CNMD: variants seen among roughly 807,000 people sequenced by gnomAD.
CNMD encodes the protein chondromodulin.
Under a neutral mutation model 37.5 loss-of-function variants are expected in CNMD, and 30 were observed. The ratio of observed to expected loss-of-function variants is 0.80; its 90% CI spans 0.60 to 1.09. The LOEUF (loss-of-function observed/expected upper bound fraction) is 1.09. Ranked by LOEUF, CNMD falls within the 50% of genes least tolerant of loss-of-function variation. CNMD has a pLI of 0.00. For missense variants in CNMD, 398 were observed against 423.9 expected (o/e 0.94, Z 0.54); for synonymous variants, 167 against 148.2 (o/e 1.13, Z -0.92).
intron 3 of CNMD, among the ~76,000 whole-genome samples, chr13:52,726,132 T>A (rs1964568510): frequency 1.3e-5 from 2 of 152,228 alleles, no homozygotes; most frequent in Non-Finnish European, 2.9e-5. Context: ...GGCTTGGCTC[T>A]TAACTGCACC....
At chr13:52,728,729 AT>A (rs1964615893) in intron 3 of CNMD, among the ~76,000 whole-genome samples, 1 of 152,174 alleles carries the variant, frequency 6.6e-6, no homozygotes, top group Non-Finnish European at 1.5e-5. Flanking sequence ...CCGTCACCAT[AT>A]CCCCAAAGGG....
At chr13:52,735,605 A>G (rs2224945) in intron 2 of CNMD, among the ~76,000 whole-genome samples, 148,763 of 151,804 alleles carry the variant, frequency 0.98, 72,953 homozygotes, top group Middle Eastern at 1. Context: ...CTGGGCCACA[A>G]TGGAAGAAGA....
At chr13:52,719,133 G>C (rs1457741455) in intron 4 of CNMD, among the ~76,000 whole-genome samples, 1 of 152,210 alleles carries the variant, frequency 6.6e-6, no homozygotes, top group Admixed American at 6.5e-5. Context: ...TGTTTTATCA[G>C]AGACTAGGAT....
chr13:52,713,069 G>A (rs1964317683), intron 4 of CNMD, among the ~76,000 whole-genome samples, 200 bp from the exon 5 acceptor site: 1 of 152,120 alleles, frequency 6.6e-6, no homozygotes. Context: ...GCCTCCTCCT[G>A]TTGCCCTGCC....
intron 3 of CNMD, among the ~76,000 whole-genome samples, chr13:52,726,805 T>G (rs1964581303): frequency 6.6e-6 from 1 of 151,474 alleles, no homozygotes; most frequent in African/African-American, 2.4e-5. Context: ...TTAAAGAAGC[T>G]CCGTGAGATA....
In CNMD at chr13:52,712,854, G is replaced by C. The variant is rs1594278619; in HGVS notation, c.484C>G (p.Pro162Ala). The C allele has an allele frequency of 1.3e-6, 2 of 1,566,308 alleles. No homozygotes were observed. The highest frequency in any genetic ancestry group is 3.4e-4 in the Middle Eastern group (2 of 5,880). The change falls in exon 5 of 7, where the codon CCA becomes GCA. Residue 162 changes from proline (P) to alanine (A), a missense_variant. By Grantham distance (27) the Pro-to-Ala change is conservative. Coordinates refer to ENST00000377962, the MANE Select transcript of CNMD (RefSeq NM_007015.3). ...AGAGAATTTTCTTCATATTTGACTG[G>C]CATGATCTTGCCTTCCTGAAAGTAA... ...ISSKLEGKIM[P>A]VKYEENSLIW...
In CNMD at chr13:52,739,583, A is replaced by G. The variant is rs371223589; in HGVS notation, c.72+47T>C. ...CTGAGTCCGAACTGTGGAACCTGAT[A>G]CTCACACAACCCAGGCCCTGCGTGT... On this transcript the variant is annotated intron_variant, in intron 1 of 6. Transcript: ENST00000377962. The surrounding 1 kb of genome is among the most constrained non-coding windows in gnomAD (Gnocchi z 5.4). 6 of 1,533,226 alleles carry G rather than the reference A, an allele frequency of 3.9e-6. No homozygotes were observed. The highest frequency in any genetic ancestry group is 1.4e-5 in the African/African-American group (1 of 73,370). The allele number at this position is 1,533,226 out of a possible 1,614,324, so 95.0% of individuals were successfully genotyped here. A position where few individuals can be genotyped will look rare whatever the true frequency, so the allele number is the denominator to read the frequency against.
chr13:52,722,339 G>A (rs1438640820), intron 4 of CNMD, among the ~76,000 whole-genome samples: 1 of 152,212 alleles, frequency 6.6e-6, no homozygotes, highest in East Asian at 1.9e-4. Context: ...CAATCAGGCA[G>A]TTTCCAGGCG....
chr13:52,724,796 C>T (rs1022414601), intron 3 of CNMD, among the ~76,000 whole-genome samples: 4 of 152,024 alleles, frequency 2.6e-5, no homozygotes, highest in Non-Finnish European at 4.4e-5. Flanking sequence ...ACTTGGGAGG[C>T]TGAGGCCGGA....
At chr13:52,724,409 T>TAAAAA (rs1555279595) in intron 3 of CNMD, among the ~76,000 whole-genome samples, 1 of 10,378 alleles carries the variant, frequency 9.6e-5, no homozygotes, top group African/African-American at 3.7e-4. Flanking sequence ...CGATCTCTAC[T>TAAAAA]AAAAATACAA....
At chr13:52,714,665 C>T (rs1026856652) in intron 4 of CNMD, among the ~76,000 whole-genome samples, 2 of 151,970 alleles carry the variant, frequency 1.3e-5, no homozygotes, top group Non-Finnish European at 2.9e-5. Context: ...AAATTATAAT[C>T]ATATGATAAA....
At chr13:52,736,421 G>C (rs115009938) in intron 2 of CNMD, among the ~76,000 whole-genome samples, 1 of 152,112 alleles carries the variant, frequency 6.6e-6, no homozygotes, top group Admixed American at 6.6e-5. Flanking sequence ...GAGCCACCAC[G>C]CCTGGCCTGC....
chr13:52,736,033 G>A (rs1213757200), intron 2 of CNMD, among the ~76,000 whole-genome samples: 4 of 142,104 alleles, frequency 2.8e-5, no homozygotes, highest in South Asian at 2.2e-4. Context: ...TTGCTCTGTC[G>A]CCCAGGCTGG....
chr13:52,724,049 G>A lies in CNMD; in HGVS notation c.416C>T (p.Ala139Val), dbSNP rs376055650. 8.3e-5 allele frequency: 134 copies of A among 1,613,976 alleles called. No homozygotes were observed. Among genetic ancestry groups the A allele is most frequent in the Non-Finnish European group, 1.1e-4 (132 of 1,179,996 alleles). ...CACGGCGCCCACCTCAGGAATACGA[G>A]CCTTCACTTGCGCTTTAATGTAGCA... ...EKCYIKAQVK[A>V]RIPEVGAVTK... is the part of the protein sequence containing the mutation. The change falls in exon 4 of 7, where the codon GCT (alanine) becomes GTT (valine). Residue 139 changes from alanine (A) to valine (V), a missense_variant. Coordinates refer to ENST00000377962, the MANE Select transcript of CNMD (RefSeq NM_007015.3).
At chr13:52,708,816 A>C (rs1472318593) in intron 5 of CNMD, 114 bp from the exon 6 acceptor site, 2 of 826,588 alleles carry the variant, frequency 2.4e-6, no homozygotes, top group Non-Finnish European at 3.8e-6. Flanking sequence ...GCATAACCAG[A>C]TGGCTTAAAA....
chr13:52,730,955 T>C (rs1964656449), intron 3 of CNMD, among the ~76,000 whole-genome samples: 1 of 152,170 alleles, frequency 6.6e-6, no homozygotes, highest in Non-Finnish European at 1.5e-5. Flanking sequence ...CCTTTTATAA[T>C]CTAGCCCCAC....
rs764726191 is a variant in CNMD, at chr13:52,724,019, T to G, written c.446A>C (p.Lys149Thr). 1 of 1,613,356 alleles carries G rather than the reference T, an allele frequency of 6.2e-7. No homozygotes were observed. Among genetic ancestry groups the G allele is most frequent in the Non-Finnish European group, 8.5e-7 (1 of 1,179,312 alleles). Residue 149 changes from lysine to threonine, a missense_variant, in exon 4 of 7, where the codon AAA becomes ACA. By Grantham distance (78) the Lys-to-Thr change is moderately conservative (BLOSUM62 -1). Coordinates refer to ENST00000377962, the MANE Select transcript of CNMD (RefSeq NM_007015.3). ...CACCAGTTTGGAGGAGATGCTCTGT[T>G]TGGTCACGGCGCCCACCTCAGGAAT... ...ARIPEVGAVTKQSISSKLEGK... is the reference protein window; with the variant it reads ...ARIPEVGAVTTQSISSKLEGK...
intron 2 of CNMD, among the ~76,000 whole-genome samples, chr13:52,736,933 A>G (rs1964777665): frequency 6.6e-6 from 1 of 152,142 alleles, no homozygotes; most frequent in South Asian, 2.1e-4. Flanking sequence ...AATGGCCTCA[A>G]TATTGGAGCC....
At chr13:52,730,059 G>A (rs1003780375) in intron 3 of CNMD, among the ~76,000 whole-genome samples, 2 of 150,070 alleles carry the variant, frequency 1.3e-5, no homozygotes, top group Admixed American at 6.7e-5. Flanking sequence ...ACCTATGAGT[G>A]AGAACATGCG....
Sources: allele counts gnomAD v4.1 joint callset (sites outside exome capture counted in the v4.1 genomes callset), GRCh38; gene constraint gnomAD v4.1.1; non-coding constraint Gnocchi (gnomAD v3.1); transcripts MANE v1.5; gene names NCBI Gene and HGNC (gene_info 2026-07-23, HGNC 2026-07-21).